TECRL: variants seen among roughly 807,000 people sequenced by gnomAD.
TECRL encodes trans-2,3-enoyl-CoA reductase-like.
A neutral mutation model predicts 52.8 loss-of-function variants in TECRL; 63 were observed. That is an observed-to-expected ratio of 1.19 (90% CI 0.97 to 1.47). The LOEUF is 1.47. TECRL is among the 40% of genes most tolerant of loss of function. The pLI, the probability that TECRL is intolerant of heterozygous loss-of-function variation, is 0.00. For missense variants in TECRL, 482 were observed against 429.6 expected (o/e 1.12, Z -1.08); for synonymous variants, 164 against 141.9 (o/e 1.16, Z -1.10).
chr4:64,377,074 G>T (rs1436668939), intron 1 of TECRL, among the ~76,000 whole-genome samples: 1 of 151,874 alleles, frequency 6.6e-6, no homozygotes, highest in Non-Finnish European at 1.5e-5. Flanking sequence ...TTATTTTCAA[G>T]ACTAACATTG....
At chr4:64,326,628 G>T (rs576087480) in intron 3 of TECRL, among the ~76,000 whole-genome samples, 1 of 152,148 alleles carries the variant, frequency 6.6e-6, no homozygotes, top group East Asian at 1.9e-4. Flanking sequence ...TTGAACAAAG[G>T]GAATTTCATG....
intron 6 of TECRL, among the ~76,000 whole-genome samples, chr4:64,306,988 C>T (rs1426519934): frequency 2.0e-5 from 3 of 152,126 alleles, no homozygotes; most frequent in Non-Finnish European, 2.9e-5. Flanking sequence ...TCTATAGGTC[C>T]TATGTCTGGG....
At chr4:64,397,179 G>T (rs1426514148) in intron 1 of TECRL, among the ~76,000 whole-genome samples, 1 of 152,002 alleles carries the variant, frequency 6.6e-6, no homozygotes, top group Non-Finnish European at 1.5e-5. Flanking sequence ...TCTATGTAGG[G>T]AGATTGCCTT....
At chr4:64,336,148 T>C (rs1019548469) in intron 2 of TECRL, among the ~76,000 whole-genome samples, 27 of 152,140 alleles carry the variant, frequency 1.8e-4, no homozygotes, top group Non-Finnish European at 4.0e-4. Flanking sequence ...GTCCTGGACT[T>C]TTTTTGGTTG....
intron 4 of TECRL, 142 bp downstream of exon 4, chr4:64,322,547 C>T (rs747207069): frequency 7.3e-5 from 34 of 467,448 alleles, no homozygotes; most frequent in Admixed American, 3.2e-4. Context: ...TTTGGCCACT[C>T]GTCATAGTAA....
At chr4:64,296,612 A>G (rs1212858914) in intron 8 of TECRL, among the ~76,000 whole-genome samples, 2 of 151,832 alleles carry the variant, frequency 1.3e-5, no homozygotes, top group African/African-American at 2.4e-5. Context: ...CTCATTCTGC[A>G]AAGAATTGGC....
At chr4:64,287,571 T>G (rs1723142956) in intron 9 of TECRL, among the ~76,000 whole-genome samples, 1 of 152,126 alleles carries the variant, frequency 6.6e-6, no homozygotes, top group African/African-American at 2.4e-5. Context: ...AGATGACTGA[T>G]TTACCAAAAA....
chr4:64,296,661 G>T (rs1294462120), intron 8 of TECRL, among the ~76,000 whole-genome samples: 2 of 151,648 alleles, frequency 1.3e-5, no homozygotes, highest in Non-Finnish European at 3.0e-5. Flanking sequence ...ATAAAGTTAA[G>T]GGTACAAAAA....
intron 2 of TECRL, among the ~76,000 whole-genome samples, chr4:64,345,906 G>GCAAAAAA (rs1719922666): frequency 3.6e-4 from 1 of 2,746 alleles, no homozygotes; most frequent in Admixed American, 3.4e-3. Context: ...TGCCTCAACA[G>GCAAAAAA]CAAAAAAAAA....
Position 64,373,191 on chromosome 4 carries a change from G to C in TECRL, c.286+1981C>G, listed in dbSNP as rs1489297533. Among the ~76,000 whole-genome samples, 4 of 151,600 alleles carry C rather than the reference G, an allele frequency of 2.6e-5. No homozygotes were observed. The East Asian group carries it at 7.7e-4, about 29-fold the overall frequency. On this transcript the variant is annotated intron_variant, in intron 2 of 11. Transcript: ENST00000381210. ...AATACACTATGATATATGGGAAAATGCTGAAATATTATTTTTATATTTTAG... is the reference window on the plus strand; with the variant it reads ...AATACACTATGATATATGGGAAAATCCTGAAATATTATTTTTATATTTTAG...
chr4:64,361,294 TAC>T (rs982407731), intron 2 of TECRL, among the ~76,000 whole-genome samples: 11 of 152,288 alleles, frequency 7.2e-5, no homozygotes, highest in Admixed American at 5.2e-4. Context: ...TAGTGACTTA[TAC>T]GCATACACAG....
chr4:64,407,048 C>A (rs1724780164), intron 1 of TECRL, among the ~76,000 whole-genome samples: 1 of 151,526 alleles, frequency 6.6e-6, no homozygotes. Context: ...ACTTTTTTCT[C>A]TGAAGTGTCT....
chr4:64,336,617 A>G (rs1045450606), intron 2 of TECRL, among the ~76,000 whole-genome samples: 1 of 152,050 alleles, frequency 6.6e-6, no homozygotes, highest in Non-Finnish European at 1.5e-5. Flanking sequence ...CAATTTTAGA[A>G]CTTTCCCGCT....
chr4:64,409,095 A>G, intron 1 of TECRL, 23 bp downstream of exon 1: 1 of 1,532,946 alleles, frequency 6.5e-7, no homozygotes, highest in Non-Finnish European at 8.8e-7. Flanking sequence ...CAAACAAACA[A>G]ATAAATAAAT....
downstream of TECRL, chr4:64,276,478 TG>T (rs1315249911): frequency 1.3e-5 from 2 of 151,886 alleles, no homozygotes; most frequent in Non-Finnish European, 3.0e-5. Flanking sequence ...TTTTCATTAA[TG>T]TTTTTCCTAT....
chr4:64,305,801 A>C (rs914656678), intron 6 of TECRL, among the ~76,000 whole-genome samples: 1 of 152,118 alleles, frequency 6.6e-6, no homozygotes, highest in African/African-American at 2.4e-5. Flanking sequence ...CCCAGGGGGA[A>C]TTTTACCACT....
chr4:64,319,923 T>C (rs1411771263), intron 4 of TECRL, among the ~76,000 whole-genome samples: 1 of 151,842 alleles, frequency 6.6e-6, no homozygotes, highest in Non-Finnish European at 1.5e-5. Flanking sequence ...AACACATCAG[T>C]GGTTACTCCA....
intron 1 of TECRL, among the ~76,000 whole-genome samples, chr4:64,408,235 T>C (rs1434883904): frequency 2.0e-5 from 3 of 151,862 alleles, no homozygotes; most frequent in Non-Finnish European, 2.9e-5. Flanking sequence ...AGCTAGAACA[T>C]GGAAAAACGG....
intron 8 of TECRL, among the ~76,000 whole-genome samples, chr4:64,299,437 T>C (rs892089131): frequency 5.3e-5 from 8 of 151,152 alleles, no homozygotes; most frequent in Non-Finnish European, 7.4e-5. Flanking sequence ...AAATAATTAA[T>C]GCATTTTAGA....
Sources: allele counts gnomAD v4.1 joint callset (sites outside exome capture counted in the v4.1 genomes callset), GRCh38; gene constraint gnomAD v4.1.1; transcripts MANE v1.5; gene names NCBI Gene and HGNC (gene_info 2026-07-23, HGNC 2026-07-21).